The following KALRN variants were observed in gnomAD, a reference collection of about 807,000 sequenced individuals.
KALRN encodes the protein kalirin.
A neutral mutation model predicts 353.7 loss-of-function variants in KALRN; 70 were observed. The ratio of observed to expected loss-of-function variants is 0.20; its 90% CI spans 0.16 to 0.24. The LOEUF (loss-of-function observed/expected upper bound fraction) is 0.24, where lower values mean the gene tolerates loss of function less well. Among genes scored for constraint, KALRN ranks in the 10% least tolerant of loss-of-function variants. The pLI is 1.00. For synonymous variants in KALRN, 1,391 were observed against 1,434.8 expected (o/e 0.97, Z 0.69); for missense variants, 2,791 against 3,756.7 (o/e 0.74, Z 6.72).
At chr3:124,716,150 G>C (rs2063122596) in intron 58 of KALRN, among the ~76,000 whole-genome samples, 1 of 152,108 alleles carries the variant, frequency 6.6e-6, no homozygotes, top group Non-Finnish European at 1.5e-5. Flanking sequence ...TTCGAATCTG[G>C]GTCTGGATGG....
chr3:124,549,699 C>G (rs9883123), intron 33 of KALRN, among the ~76,000 whole-genome samples: 11,006 of 151,952 alleles, frequency 0.072, 1,291 homozygotes, highest in African/African-American at 0.25. Flanking sequence ...AAATTAGTCC[C>G]AGGAAGGGGA....
At chr3:124,440,848 G>A (rs1033225765) in intron 18 of KALRN, among the ~76,000 whole-genome samples, 5 of 151,764 alleles carry the variant, frequency 3.3e-5, no homozygotes, top group Non-Finnish European at 7.4e-5. Context: ...AATACAGAAA[G>A]TACTAGGCTT....
intron 47 of KALRN, 70 bp downstream of exon 47, chr3:124,667,253 C>A: frequency 7.2e-7 from 1 of 1,387,296 alleles, no homozygotes; most frequent in Non-Finnish European, 9.8e-7. Flanking sequence ...TTCCTTGGGT[C>A]TAGGTTCATG....
chr3:124,486,043 A>G (rs749776057), intron 28 of KALRN, among the ~76,000 whole-genome samples: 1 of 152,216 alleles, frequency 6.6e-6, no homozygotes, highest in Non-Finnish European at 1.5e-5. Context: ...AATTGTCAGT[A>G]TCCTCTGGGT....
At position 124,674,374 on chromosome 3, in the gene KALRN, G is replaced by A. The variant is rs2086900578; in HGVS notation, c.6953G>A (p.Gly2318Glu). 1.2e-6 allele frequency: 2 copies of A among 1,613,166 alleles called. No individual in the cohort carries two copies. The highest frequency in any genetic ancestry group is 1.7e-6 in the Non-Finnish European group (2 of 1,179,610). The change falls in exon 49 of 60, where the codon GGA becomes GAA. Residue 2318 changes from glycine (G) to glutamate (E), a missense_variant. Physicochemically the swap from Gly to Glu is moderately conservative, Grantham distance 98. Transcript: ENST00000682506. ...DKFEASKNDL[G>E]GCNGTSSMAV... ...CTTATCTCCCAGCAGAACGACCTGG[G>A]AGGCTGCAATGGGACCTCGTCCATG...
At chr3:124,685,666 C>T (rs1042880230) in intron 51 of KALRN, among the ~76,000 whole-genome samples, 1 of 152,172 alleles carries the variant, frequency 6.6e-6, no homozygotes, top group Non-Finnish European at 1.5e-5. Context: ...TACTTGGCCT[C>T]ACCCACGCCC....
Position 124,495,957 on chromosome 3 carries a change from G to GTGTGTA in KALRN, c.4833-353_4833-352insGTGTAT, listed in dbSNP as rs1377097482. On this transcript the variant is annotated intron_variant, in intron 32 of 59. Transcript: ENST00000682506. ...GACCCGTTCCCAAGTGTGTGTATGT[G>GTGTGTA]TATGTATGTATATATATATATATAT... Among the ~76,000 whole-genome samples the GTGTGTA allele has an allele frequency of 2.2e-3, 98 of 44,214 alleles. 3 individuals carry two copies. Among genetic ancestry groups the GTGTGTA allele is most frequent in the Non-Finnish European group, 3.7e-3 (85 of 23,040 alleles). The allele number at this position is 44,214 out of a possible 152,430, so 29.0% of individuals were successfully genotyped here.
intron 1 of KALRN, among the ~76,000 whole-genome samples, chr3:124,108,070 T>C (rs2062478090): frequency 6.6e-6 from 1 of 152,198 alleles, no homozygotes; most frequent in African/African-American, 2.4e-5. Flanking sequence ...TACATATATG[T>C]GTATACTGTC....
chr3:124,637,251 C>T lies in KALRN; in HGVS notation c.5612C>T (p.Pro1871Leu), dbSNP rs767244430. ...LAARQASTEV[P>L]TAADLVNAIE... The stretch of plus-strand genomic sequence containing the variant: ...GCCCGGCAGGCTTCCACTGAAGTAC[C>T]TACTGCTGCAGACCTTGTCAATGCA... The change falls in exon 37 of 60, where the codon CCT becomes CTT. Residue 1871 changes from proline (P) to leucine (L), a missense_variant. Transcript: ENST00000682506. The T allele has an allele frequency of 3.7e-6, 6 of 1,614,050 alleles. No individual in the cohort carries two copies. The African/African-American group carries it at 8.0e-5, about 22-fold the overall frequency.
intron 6 of KALRN, among the ~76,000 whole-genome samples, chr3:124,304,566 G>T (rs1196650303): frequency 1.3e-5 from 2 of 152,176 alleles, no homozygotes; most frequent in African/African-American, 4.8e-5. Flanking sequence ...CTGCAAACCT[G>T]TTATCCATTG....
chr3:124,290,638 G>C (rs991372935), intron 5 of KALRN, among the ~76,000 whole-genome samples: 12 of 152,174 alleles, frequency 7.9e-5, no homozygotes, highest in Non-Finnish European at 1.5e-4. Flanking sequence ...TGTGGCTTTA[G>C]ACAAGTTAAT....
intron 9 of KALRN, among the ~76,000 whole-genome samples, chr3:124,340,272 A>G (rs988294737): frequency 1.1e-4 from 17 of 152,178 alleles, no homozygotes; most frequent in African/African-American, 3.6e-4. Context: ...CTGTAATACT[A>G]GCACTTTGGG....
At chr3:124,257,192 A>G (rs1019059299) in intron 3 of KALRN, among the ~76,000 whole-genome samples, 1 of 152,232 alleles carries the variant, frequency 6.6e-6, no homozygotes, top group African/African-American at 2.4e-5. Flanking sequence ...GTTACCTACT[A>G]TTTATTAAAT....
intron 6 of KALRN, among the ~76,000 whole-genome samples, chr3:124,313,161 A>G (rs1038663225): frequency 1.3e-5 from 2 of 152,196 alleles, no homozygotes; most frequent in East Asian, 1.9e-4. Context: ...GGCGATACAC[A>G]CTAACATCCA....
chr3:124,676,293 T>C (rs2087176227), intron 49 of KALRN, among the ~76,000 whole-genome samples: 1 of 151,938 alleles, frequency 6.6e-6, no homozygotes, highest in South Asian at 2.1e-4. Context: ...TGCAAAAGGG[T>C]TGGGGGTGTG....
intron 10 of KALRN, among the ~76,000 whole-genome samples, chr3:124,355,367 A>G (rs1196354691): frequency 2.0e-5 from 3 of 152,226 alleles, no homozygotes; most frequent in African/African-American, 7.2e-5. Context: ...TATATTTTTA[A>G]AAAGATATTG....
intron 1 of KALRN, chr3:124,163,943 C>T (rs1303452921): frequency 2.0e-6 from 2 of 985,438 alleles, no homozygotes; most frequent in Non-Finnish European, 2.4e-6. Context: ...TTTCATAGCT[C>T]ACAGTCCAGC....
rs115511035 is a variant in KALRN, at chr3:124,324,126, G to A, written c.1093-1854G>A. On this transcript the variant is annotated intron_variant, in intron 6 of 59. Coordinates refer to ENST00000682506, the MANE Select transcript of KALRN (RefSeq NM_001388419.1). The stretch of plus-strand genomic sequence containing the variant: ...ATACTTTCTCAAAAGGTCTCAATAG[G>A]GATTGAACCCCAGTTGCTCATAGAA... 1.8e-3 allele frequency among the ~76,000 whole-genome samples: 278 copies of A among 152,224 alleles called. 2 individuals are homozygous for A. Among genetic ancestry groups the A allele is most frequent in the African/African-American group, 6.4e-3 (265 of 41,532 alleles).
At chr3:124,150,820 CATT>C (rs1383622241) in intron 1 of KALRN, among the ~76,000 whole-genome samples, 1 of 152,182 alleles carries the variant, frequency 6.6e-6, no homozygotes, top group Non-Finnish European at 1.5e-5. Flanking sequence ...AGATCAATAA[CATT>C]ATGAGCACCC....
Sources: gnomAD v4.1 joint callset for allele counts (sites outside exome capture counted in the v4.1 genomes callset) on GRCh38, gnomAD v4.1.1 for gene constraint, MANE v1.5 for transcripts, NCBI Gene and HGNC (gene_info 2026-07-23, HGNC 2026-07-21) for gene names.